The following RPH3AL variants were observed in gnomAD, a reference collection of about 807,000 sequenced individuals.
RPH3AL encodes rab effector Noc2.
In RPH3AL, 38 loss-of-function variants were observed where a neutral mutation model predicts 43.1. That is an observed-to-expected ratio of 0.88 (90% CI 0.68 to 1.15). RPH3AL has a LOEUF of 1.15. Among genes scored for constraint, RPH3AL ranks in the 50% most tolerant of loss-of-function variants. RPH3AL has a pLI of 0.00. For missense variants in RPH3AL, 462 were observed against 423.2 expected, an observed-to-expected ratio of 1.09 and a Z score of -0.81; for synonymous variants, 189 against 176.3, an observed-to-expected ratio of 1.07 and a Z score of -0.57.
At chr17:248,247 G>A (rs1222925399) in intron 6 of RPH3AL, among the ~76,000 whole-genome samples, 2 of 152,176 alleles carry the variant, frequency 1.3e-5, no homozygotes, top group African/African-American at 4.8e-5. Context: ...TGCCATGTTT[G>A]TCACTGCCCC....
At chr17:247,383 G>T in intron 6 of RPH3AL, 98 bp from the exon 7 acceptor site, 3 of 1,264,464 alleles carry the variant, frequency 2.4e-6, no homozygotes, top group Non-Finnish European at 3.2e-6. Context: ...CGGAGAGCTA[G>T]GAGCAGAGTG....
In RPH3AL at chr17:269,100, G is replaced by A. The variant is rs573609353; in HGVS notation, c.438+12668C>T. Among the ~76,000 whole-genome samples, 9 of 152,206 alleles carry A rather than the reference G, an allele frequency of 5.9e-5. No homozygotes were observed. The South Asian group carries it at 6.2e-4, about 11-fold the overall frequency. ...TCACCGTGTTAGCCAGGATGGTCTC[G>A]ATCTCCTGACCTCATAATCCGCCCG... On this transcript the variant is annotated intron_variant, in intron 6 of 9. Coordinates refer to ENST00000331302, the MANE Select transcript of RPH3AL (RefSeq NM_006987.4).
chr17:333,191 CACA>C lies in RPH3AL; in HGVS notation c.-37+565_-37+567del. 2 of 609,922 alleles carry C rather than the reference CACA, an allele frequency of 3.3e-6. No homozygotes were observed. Among genetic ancestry groups the C allele is most frequent in the South Asian group, 2.2e-5 (1 of 45,918 alleles). 37.8% of individuals were successfully genotyped at this position (609,922 alleles called of 1,614,324 possible). A position where few individuals can be genotyped will look rare whatever the true frequency, so the allele number is the denominator to read the frequency against. On this transcript the variant is annotated intron_variant, in intron 2 of 9. Transcript: ENST00000331302. This position sits in a 1 kb window ranked among gnomAD's most constrained non-coding sequence, Gnocchi z 4.5. Reference sequence around the variant, plus strand: ...TCGTCACTGCAGACATCACTGCAGACACAGAGAAGGCCATTAGAGCTCACCACC... The same window carrying C: ...TCGTCACTGCAGACATCACTGCAGACGAGAAGGCCATTAGAGCTCACCACC...
chr17:222,459 G>C (rs962475316), intron 7 of RPH3AL, among the ~76,000 whole-genome samples: 1 of 152,230 alleles, frequency 6.6e-6, no homozygotes, highest in East Asian at 1.9e-4. Context: ...GATGGGGCTG[G>C]AATCCCAGCA....
At position 343,723 on chromosome 17, in the gene RPH3AL, T is replaced by G. The variant is rs1417012322; in HGVS notation, c.-213+8989A>C. Among the ~76,000 whole-genome samples, 4 of 152,268 alleles carry G rather than the reference T, an allele frequency of 2.6e-5. No individual in the cohort carries two copies. In the South Asian group the frequency reaches 8.3e-4, roughly 32 times the overall value. On this transcript the variant is annotated intron_variant, in intron 1 of 9. Coordinates refer to ENST00000331302, the MANE Select transcript of RPH3AL (RefSeq NM_006987.4). ...AGACATAGTTGCGGGTGCTATTGAC[T>G]ACTATCCATCCAGTGGGTAGAGGCC...
intron 5 of RPH3AL, among the ~76,000 whole-genome samples, chr17:308,262 G>C (rs887734789): frequency 6.6e-6 from 1 of 152,204 alleles, no homozygotes; most frequent in Non-Finnish European, 1.5e-5. Flanking sequence ...AAGGGAGTAG[G>C]GGACAGGGCC....
chr17:226,866 T>A (rs2041118638), intron 7 of RPH3AL, among the ~76,000 whole-genome samples: 1 of 152,232 alleles, frequency 6.6e-6, no homozygotes, highest in African/African-American at 2.4e-5. Flanking sequence ...CATAACACTC[T>A]GTGTGTCTGA....
intron 1 of RPH3AL, among the ~76,000 whole-genome samples, chr17:340,091 A>G (rs1385814697): frequency 1.3e-5 from 2 of 151,970 alleles, no homozygotes; most frequent in Non-Finnish European, 2.9e-5. Flanking sequence ...TGCCTGAACC[A>G]GGTGTCACCC....
rs1242503997 is a variant in RPH3AL, at chr17:215,093, A to G, written c.876+561T>C. Among the ~76,000 whole-genome samples the G allele has an allele frequency of 6.6e-6, 1 of 152,112 alleles. No individual in the cohort carries two copies. The highest frequency in any genetic ancestry group is 1.5e-5 in the Non-Finnish European group (1 of 68,002). ...CCCTGGTGCATGCGTGTACCCATGAATCCTCTGGCCAGGGAGGGGCCCAAC... is the reference window on the plus strand; with the variant it reads ...CCCTGGTGCATGCGTGTACCCATGAGTCCTCTGGCCAGGGAGGGGCCCAAC... On this transcript the variant is annotated intron_variant, in intron 9 of 9. Coordinates refer to ENST00000331302, the MANE Select transcript of RPH3AL (RefSeq NM_006987.4). The surrounding 1 kb of genome is among the most constrained non-coding windows in gnomAD (Gnocchi z 4.1).
intron 3 of RPH3AL, among the ~76,000 whole-genome samples, chr17:325,190 A>T (rs2044591366): frequency 6.6e-6 from 1 of 152,062 alleles, no homozygotes; most frequent in South Asian, 2.1e-4. Context: ...TTTACACATG[A>T]CCTTCACCTG....
chr17:309,212 T>C (rs1327030272), intron 5 of RPH3AL, among the ~76,000 whole-genome samples: 1 of 152,178 alleles, frequency 6.6e-6, no homozygotes, highest in Non-Finnish European at 1.5e-5. Context: ...GGAGGATCGA[T>C]TGAGCCCAGG....
intron 6 of RPH3AL, among the ~76,000 whole-genome samples, chr17:252,229 C>T (rs2041922241): frequency 1.3e-5 from 2 of 152,134 alleles, no homozygotes; most frequent in South Asian, 4.1e-4. Context: ...CCCACCTCTG[C>T]CTCCCAAAGT....
intron 5 of RPH3AL, among the ~76,000 whole-genome samples, chr17:315,356 T>TGACCTGTAGTCCCTGTGACTCCACC (rs2043954776): frequency 2.4e-4 from 3 of 12,512 alleles, no homozygotes; most frequent in Non-Finnish European, 5.1e-4. Flanking sequence ...GTGACTCCAC[T>TGACCTGTAGTCCCTGTGACTCCACC]TCCACTGACC....
chr17:236,691 C>CT (rs1442747286), intron 7 of RPH3AL, among the ~76,000 whole-genome samples: 1 of 152,258 alleles, frequency 6.6e-6, no homozygotes, highest in Non-Finnish European at 1.5e-5. Flanking sequence ...GTCTCCCGCC[C>CT]TGATTCTGGG....
chr17:345,737 G>A (rs775204790), intron 1 of RPH3AL, among the ~76,000 whole-genome samples: 6 of 124,842 alleles, frequency 4.8e-5, no homozygotes, highest in Non-Finnish European at 7.3e-5. Context: ...ACTGGGGCAC[G>A]CGTGCTCCCC....
chr17:294,540 G>C (rs200340640), intron 5 of RPH3AL, among the ~76,000 whole-genome samples: 1 of 151,910 alleles, frequency 6.6e-6, no homozygotes, highest in Non-Finnish European at 1.5e-5. Context: ...ACGGCAGAGG[G>C]AATGCACATC....
intron 7 of RPH3AL, among the ~76,000 whole-genome samples, chr17:230,525 A>G (rs1290667040): frequency 1.3e-5 from 2 of 152,184 alleles, no homozygotes; most frequent in Non-Finnish European, 2.9e-5. Context: ...TCCTGGACAG[A>G]GAACAGGAAA....
chr17:235,264 GGGGTCGGCC>G (rs2041341492), intron 7 of RPH3AL, among the ~76,000 whole-genome samples: 2 of 145,342 alleles, frequency 1.4e-5, no homozygotes, highest in Non-Finnish European at 3.0e-5. Context: ...GTCCAAAGCT[GGGGTCGGCC>G]GAGGCTCTAC....
intron 1 of RPH3AL, among the ~76,000 whole-genome samples, chr17:348,235 T>G (rs1422628529): frequency 3.9e-5 from 6 of 152,058 alleles, no homozygotes; most frequent in Non-Finnish European, 7.4e-5. Context: ...GATTTGGGCG[T>G]GGAACAGGAA....
Sources: gnomAD v4.1 joint callset for allele counts (sites outside exome capture counted in the v4.1 genomes callset) on GRCh38, gnomAD v4.1.1 for gene constraint, Gnocchi (gnomAD v3.1) non-coding constraint, MANE v1.5 for transcripts, NCBI Gene and HGNC (gene_info 2026-07-23, HGNC 2026-07-21) for gene names.